EFCAB6: variants seen among roughly 807,000 people sequenced by gnomAD.
EFCAB6 encodes the protein EF-hand calcium-binding domain-containing protein 6.
In EFCAB6, 156 loss-of-function variants were observed where a neutral mutation model predicts 169.8. The ratio of observed to expected loss-of-function variants is 0.92; its 90% CI spans 0.81 to 1.05. The LOEUF is 1.05. Ranked by LOEUF, EFCAB6 falls within the 50% of genes least tolerant of loss-of-function variation. The pLI is 0.00. For synonymous variants in EFCAB6, 698 were observed against 676.4 expected (o/e 1.03, Z -0.50); for missense variants, 1,800 against 1,829.1 (o/e 0.98, Z 0.29).
At chr22:43,662,159 A>AAATAAT (rs55680208) in intron 17 of EFCAB6, among the ~76,000 whole-genome samples, 2,768 of 137,130 alleles carry the variant, frequency 0.02, 38 homozygotes, top group Middle Eastern at 0.026. Context: ...CTCCATTTCA[A>AAATAAT]AATAATAATA....
At chr22:43,769,789 G>A (rs2061414117) in intron 4 of EFCAB6, among the ~76,000 whole-genome samples, 1 of 152,074 alleles carries the variant, frequency 6.6e-6, no homozygotes, top group African/African-American at 2.4e-5. Flanking sequence ...GCCCATGAGG[G>A]TGCTAGAGTG....
chr22:43,767,262 T>C (rs1283897000), intron 4 of EFCAB6, among the ~76,000 whole-genome samples: 1 of 152,192 alleles, frequency 6.6e-6, no homozygotes, highest in Non-Finnish European at 1.5e-5. Flanking sequence ...ATTTAAAACA[T>C]GTGTAACTAG....
At chr22:43,623,544 A>C (rs1170346396) in intron 20 of EFCAB6, among the ~76,000 whole-genome samples, 1 of 152,060 alleles carries the variant, frequency 6.6e-6, no homozygotes, top group Non-Finnish European at 1.5e-5. Context: ...TACAGGTGGA[A>C]AGTGAAGACC....
intron 17 of EFCAB6, among the ~76,000 whole-genome samples, chr22:43,645,771 C>G (rs1297830703): frequency 1.3e-5 from 2 of 152,122 alleles, no homozygotes; most frequent in Non-Finnish European, 2.9e-5. Context: ...TACTATAGAT[C>G]AGTCTCATGG....
At position 43,611,246 on chromosome 22, in the gene EFCAB6, C is replaced by T. The variant is rs973267405; in HGVS notation, c.2563-2646G>A. On this transcript the variant is annotated intron_variant, in intron 21 of 31. Transcript: ENST00000262726. ...AAAATTAGGAATGTAATCCCATTCA[C>T]AATTGCCACAAAAAGAACAAAATAC... is the stretch of plus-strand genomic sequence containing the variant. Among the ~76,000 whole-genome samples the T allele has an allele frequency of 1.3e-4, 20 of 152,110 alleles. 1 individual carries two copies. The highest frequency in any genetic ancestry group is 1.3e-4 in the Admixed American group (2 of 15,268).
chr22:43,782,302 AT>A lies in EFCAB6; in HGVS notation c.16del (p.Ile6LeufsTer53), dbSNP rs763670154. The part of the protein sequence containing the change: MCKMA[I>X]IPDWLRSHPH... Reference sequence around the variant, plus strand: ...ATGCGACCTAAGCCAGTCTGGTATAATCGCCATTTTGCACATTAAATCCCTG... The same window carrying A: ...ATGCGACCTAAGCCAGTCTGGTATAACGCCATTTTGCACATTAAATCCCTG... On this transcript the variant is annotated frameshift_variant, in exon 3 of 32. Transcript: ENST00000262726. LOFTEE classifies it high-confidence loss of function. 6.2e-7 allele frequency: 1 copy of A among 1,613,294 alleles called. No homozygotes were observed. Among genetic ancestry groups the A allele is most frequent in the African/African-American group, 1.3e-5 (1 of 74,914 alleles).
At chr22:43,676,467 T>C (rs1011576467) in intron 13 of EFCAB6, among the ~76,000 whole-genome samples, 1 of 143,110 alleles carries the variant, frequency 7.0e-6, no homozygotes, top group African/African-American at 2.6e-5. Flanking sequence ...AACAAAAAAA[T>C]GTGCCCACCC....
At chr22:43,772,127 C>T (rs1276190181) in intron 4 of EFCAB6, among the ~76,000 whole-genome samples, 4 of 152,192 alleles carry the variant, frequency 2.6e-5, no homozygotes, top group South Asian at 2.1e-4. Flanking sequence ...CCTGTCGTGG[C>T]CCCTCTCCCA....
intron 22 of EFCAB6, among the ~76,000 whole-genome samples, chr22:43,606,097 C>T (rs1467127434): frequency 6.6e-6 from 1 of 152,156 alleles, no homozygotes; most frequent in Non-Finnish European, 1.5e-5. Context: ...GAGGAATTAC[C>T]AGCCCAAGAA....
Position 43,672,290 on chromosome 22 carries a change from GA to G in EFCAB6, c.1434del (p.Cys480ValfsTer61), listed in dbSNP as rs765286818. On this transcript the variant is annotated frameshift_variant, in exon 14 of 32. Transcript: ENST00000262726. LOFTEE classifies it high-confidence loss of function. ...AAAGGTGTCTTAGCATCTGTACAGG[GA>G]GATGTCTTTCTCATCTAATTGGGAA... ...IEENCRMRKTSPCTDAKTPFL... is the reference protein window; with the variant it reads ...IEENCRMRKTXPCTDAKTPFL... 6.2e-7 allele frequency: 1 copy of G among 1,614,114 alleles called. No homozygotes were observed. Among genetic ancestry groups the G allele is most frequent in the East Asian group, 2.2e-5 (1 of 44,862 alleles).
At chr22:43,609,986 T>C (rs947551819) in intron 21 of EFCAB6, among the ~76,000 whole-genome samples, 1 of 152,052 alleles carries the variant, frequency 6.6e-6, no homozygotes, top group African/African-American at 2.4e-5. Flanking sequence ...TGGACTTCCA[T>C]ATGGAGGAAA....
intron 20 of EFCAB6, among the ~76,000 whole-genome samples, chr22:43,618,038 G>GT (rs935570641): frequency 4.0e-5 from 6 of 150,378 alleles, no homozygotes; most frequent in Non-Finnish European, 8.9e-5. Context: ...GGAGGCGGAG[G>GT]TTGCAGTGAG....
intron 8 of EFCAB6, among the ~76,000 whole-genome samples, chr22:43,722,774 T>G (rs1278907811): frequency 6.7e-6 from 1 of 148,534 alleles, no homozygotes; most frequent in East Asian, 1.9e-4. Flanking sequence ...TGTAGCACTA[T>G]TCACCATAGC....
At chr22:43,680,436 G>T (rs554320017) in intron 12 of EFCAB6, among the ~76,000 whole-genome samples, 1 of 149,942 alleles carries the variant, frequency 6.7e-6, no homozygotes, top group African/African-American at 2.5e-5. Context: ...TTCCACCTTT[G>T]TATTTCCATA....
intron 8 of EFCAB6, among the ~76,000 whole-genome samples, chr22:43,719,342 G>A (rs1261586693): frequency 6.6e-6 from 1 of 152,218 alleles, no homozygotes; most frequent in Non-Finnish European, 1.5e-5. Context: ...GCAATCCAAA[G>A]CTTACAGTGC....
intron 10 of EFCAB6, among the ~76,000 whole-genome samples, chr22:43,704,782 T>C (rs1443189280): frequency 2.0e-5 from 3 of 151,906 alleles, no homozygotes; most frequent in African/African-American, 7.3e-5. Flanking sequence ...ATAGAAAGCA[T>C]ACCATTACAG....
Position 43,755,799 on chromosome 22 carries a change from T to C in EFCAB6, c.474A>G (p.Thr158=). 6.2e-7 allele frequency: 1 copy of C among 1,606,772 alleles called. No homozygotes were observed. The highest frequency in any genetic ancestry group is 8.5e-7 in the Non-Finnish European group (1 of 1,177,984). ...GGGNEMNCCR[T]LRELEIQVGE... ...CCACTTGGATTTCAAGTTCTCTTAATGTGCGGCAGCAATTCATTTCATTCC... is the reference window on the plus strand; with the variant it reads ...CCACTTGGATTTCAAGTTCTCTTAACGTGCGGCAGCAATTCATTTCATTCC... The change falls in exon 6 of 32, where the codon ACA becomes ACG. Residue 158 remains threonine, a synonymous_variant. Coordinates refer to ENST00000262726, the MANE Select transcript of EFCAB6 (RefSeq NM_022785.4).
chr22:43,676,569 CT>C (rs1284221056), intron 13 of EFCAB6, among the ~76,000 whole-genome samples: 4 of 152,020 alleles, frequency 2.6e-5, no homozygotes, highest in Admixed American at 6.6e-5. Context: ...TTATTTTCAC[CT>C]TTGTAGTTTG....
intron 12 of EFCAB6, among the ~76,000 whole-genome samples, chr22:43,681,598 T>A (rs2058008470): frequency 6.6e-6 from 1 of 152,026 alleles, no homozygotes; most frequent in Non-Finnish European, 1.5e-5. Context: ...CATATTTCTA[T>A]GTATTTGATT....
Sources: allele counts gnomAD v4.1 joint callset (sites outside exome capture counted in the v4.1 genomes callset), GRCh38; gene constraint gnomAD v4.1.1; transcripts MANE v1.5; gene names NCBI Gene and HGNC (gene_info 2026-07-23, HGNC 2026-07-21).